Variants in PLXNC1 observed in about 807,000 individuals in gnomAD.
PLXNC1 encodes plexin C1, also known as plexin-C1.
A neutral mutation model predicts 178.2 loss-of-function variants in PLXNC1; 75 were observed. That is an observed-to-expected ratio of 0.42 (90% CI 0.35 to 0.51). PLXNC1 has a LOEUF of 0.51. Ranked by LOEUF, PLXNC1 falls within the 20% of genes least tolerant of loss-of-function variation. The pLI is 0.02. For synonymous variants in PLXNC1, 790 were observed against 779.9 expected, an observed-to-expected ratio of 1.01 and a Z score of -0.22; for missense variants, 1,503 against 1,984.4, an observed-to-expected ratio of 0.76 and a Z score of 4.61.
chr12:94,151,626 T>C (rs1341923536), intron 1 of PLXNC1, among the ~76,000 whole-genome samples: 1 of 152,206 alleles, frequency 6.6e-6, no homozygotes, highest in East Asian at 1.9e-4. Flanking sequence ...GAAATATTAC[T>C]TTGTGTCAAG....
intron 9 of PLXNC1, among the ~76,000 whole-genome samples, chr12:94,236,446 T>C (rs1009934445): frequency 1.3e-5 from 2 of 152,194 alleles, no homozygotes; most frequent in African/African-American, 4.8e-5. Flanking sequence ...GGATACTCAA[T>C]TGCTTCAAGA....
At chr12:94,168,226 T>C (rs1338203102) in intron 1 of PLXNC1, 1 of 152,220 alleles carries the variant, frequency 6.6e-6, no homozygotes, top group African/African-American at 2.4e-5. Flanking sequence ...TAAAGTGTGC[T>C]ATCACACTGT....
chr12:94,284,464 A>G (rs753469928), intron 23 of PLXNC1, among the ~76,000 whole-genome samples: 2 of 152,208 alleles, frequency 1.3e-5, no homozygotes, highest in Non-Finnish European at 2.9e-5. Context: ...TCACCGTCTT[A>G]TAACAGTGAA....
intron 7 of PLXNC1, 85 bp downstream of exon 7, chr12:94,224,400 T>A: frequency 1.2e-6 from 1 of 841,978 alleles, no homozygotes; most frequent in South Asian, 1.3e-5. Context: ...TAAAGAACTC[T>A]TTTGTGAGAC....
intron 9 of PLXNC1, among the ~76,000 whole-genome samples, chr12:94,232,620 A>G (rs1038378417): frequency 2.6e-5 from 4 of 152,244 alleles, no homozygotes; most frequent in Non-Finnish European, 5.9e-5. Context: ...AGGCAGGCAA[A>G]GTGTGTGACT....
At chr12:94,177,196 T>TAC (rs1565794414) in intron 2 of PLXNC1, among the ~76,000 whole-genome samples, 21 of 54,216 alleles carry the variant, frequency 3.9e-4, no homozygotes, top group Non-Finnish European at 6.5e-4. Context: ...TGTATATATA[T>TAC]ATACGTATAT....
At chr12:94,153,158 G>A (rs193210837) in intron 1 of PLXNC1, among the ~76,000 whole-genome samples, 20 of 152,346 alleles carry the variant, frequency 1.3e-4, no homozygotes, top group African/African-American at 4.6e-4. Flanking sequence ...CTAAAGATCC[G>A]TTAAGCAGCT....
chr12:94,223,992 TTGGAACTCGAGGTGGGTTCAG>T (rs1963867697), intron 6 of PLXNC1, among the ~76,000 whole-genome samples: 1 of 152,184 alleles, frequency 6.6e-6, no homozygotes, highest in Admixed American at 6.5e-5. Flanking sequence ...CATGGGAGGC[TTGGAACTCGAGGTGGGTTCAG>T]TCTGTTTGGA....
intron 9 of PLXNC1, among the ~76,000 whole-genome samples, chr12:94,233,686 G>A (rs1035674172): frequency 2.0e-5 from 3 of 152,146 alleles, no homozygotes; most frequent in Non-Finnish European, 4.4e-5. Flanking sequence ...CCCGTGAAAA[G>A]GCATTTGTCC....
intron 1 of PLXNC1, among the ~76,000 whole-genome samples, chr12:94,164,490 C>A (rs2135933752): frequency 6.6e-6 from 1 of 152,286 alleles, no homozygotes; most frequent in East Asian, 1.9e-4. Flanking sequence ...GGGGCAGGGC[C>A]AAGCTGTGGC....
rs186420026 is a variant in PLXNC1, at chr12:94,155,844, C to A, written c.1062+5811C>A. Among the ~76,000 whole-genome samples, 447 of 152,326 alleles carry A rather than the reference C, an allele frequency of 2.9e-3. 1 individual carries two copies. Among genetic ancestry groups the A allele is most frequent in the South Asian group, 6.2e-3 (30 of 4,828 alleles). ...TTCTTTACAACATCAGTCCTGTTAC[C>A]AATTTCTATCCTAGTCATGTACAGT... On this transcript the variant is annotated intron_variant, in intron 1 of 30. Transcript: ENST00000258526.
At chr12:94,294,648 A>G (rs572551650) in intron 24 of PLXNC1, 108 bp downstream of exon 24, 7 of 596,270 alleles carry the variant, frequency 1.2e-5, no homozygotes, top group Non-Finnish European at 2.2e-5. Context: ...AGTTGTTGCT[A>G]TGTAATTCTC....
At chr12:94,214,990 G>A (rs956917547) in intron 5 of PLXNC1, among the ~76,000 whole-genome samples, 1 of 152,020 alleles carries the variant, frequency 6.6e-6, no homozygotes, top group Non-Finnish European at 1.5e-5. Flanking sequence ...TCTGCCTCCC[G>A]GGTTCAAGCG....
In PLXNC1 at chr12:94,304,925, G is replaced by A. The variant is rs529236763; in HGVS notation, c.4603-256G>A. On this transcript the variant is annotated intron_variant, in intron 30 of 30. Coordinates refer to ENST00000258526, the MANE Select transcript of PLXNC1 (RefSeq NM_005761.3). ...GGCTGTGACATAATGCATAAAGCAGGGCCTAGGAAGCCTGGCCCCATATTT... is the reference window on the plus strand; with the variant it reads ...GGCTGTGACATAATGCATAAAGCAGAGCCTAGGAAGCCTGGCCCCATATTT... 5.9e-5 allele frequency among the ~76,000 whole-genome samples: 9 copies of A among 152,274 alleles called. No homozygotes were observed. The East Asian group carries it at 1.7e-3, about 29-fold the overall frequency.
rs1686776290 is a variant in PLXNC1, at chr12:94,186,644, G to A, written c.1439+171G>A. 7.1e-6 allele frequency: 4 copies of A among 566,192 alleles called. No individual in the cohort carries two copies. In the South Asian group the frequency reaches 7.3e-5, roughly 10 times the overall value. The allele number at this position is 566,192 out of a possible 1,614,324, so 35.1% of individuals were successfully genotyped here. ...ATGAATTCTCGAAGGTGTTTCCAGCGGCGTCCGTGCTATGCAATCACTGGA... is the reference window on the plus strand; with the variant it reads ...ATGAATTCTCGAAGGTGTTTCCAGCAGCGTCCGTGCTATGCAATCACTGGA... On this transcript the variant is annotated intron_variant, in intron 4 of 30. Transcript: ENST00000258526.
In PLXNC1 at chr12:94,251,666, C is replaced by T. The variant is rs551884275; in HGVS notation, c.2881+138C>T. The T allele has an allele frequency of 2.1e-4, 142 of 670,668 alleles. 1 individual carries two copies. The highest frequency in any genetic ancestry group is 1.8e-3 in the African/African-American group (103 of 56,050). 41.5% of individuals were successfully genotyped at this position (670,668 alleles called of 1,614,324 possible). A position where few individuals can be genotyped will look rare whatever the true frequency, so the allele number is the denominator to read the frequency against. On this transcript the variant is annotated intron_variant, in intron 15 of 30. Transcript: ENST00000258526. ...AAGCCCAAATCAAAACTTTGAGAAA[C>T]GAATAATAGGTACACGCTGAGGGCT...
intron 26 of PLXNC1, 108 bp downstream of exon 26, chr12:94,297,531 T>C: frequency 1.4e-6 from 1 of 739,776 alleles, no homozygotes; most frequent in Non-Finnish European, 2.3e-6. Context: ...TTGTGCCTTC[T>C]AGCAAAGCAA....
At chr12:94,250,313 C>A (rs1964645827) in intron 14 of PLXNC1, among the ~76,000 whole-genome samples, 1 of 152,146 alleles carries the variant, frequency 6.6e-6, no homozygotes, top group Non-Finnish European at 1.5e-5. Flanking sequence ...CATGAGCTGA[C>A]TTATTCAGAT....
At chr12:94,225,146 A>G (rs998370648) in intron 7 of PLXNC1, among the ~76,000 whole-genome samples, 2 of 152,194 alleles carry the variant, frequency 1.3e-5, no homozygotes, top group Non-Finnish European at 2.9e-5. Context: ...CAGCAAGAGG[A>G]CAGAGGAAAT....
Sources: allele counts gnomAD v4.1 joint callset (sites outside exome capture counted in the v4.1 genomes callset), GRCh38; gene constraint gnomAD v4.1.1; transcripts MANE v1.5; gene names NCBI Gene and HGNC (gene_info 2026-07-23, HGNC 2026-07-21).